Variants in IGF1R observed in about 807,000 individuals in gnomAD.
IGF1R encodes the protein insulin-like growth factor 1 receptor.
A neutral mutation model predicts 144.6 loss-of-function variants in IGF1R; 44 were observed. The ratio of observed to expected loss-of-function variants is 0.30; its 90% CI spans 0.24 to 0.39. The LOEUF is 0.39. Ranked by LOEUF, IGF1R falls within the 10% of genes least tolerant of loss-of-function variation. The probability of loss-of-function intolerance (pLI) is 1.00; values close to 1 mark genes in which losing one functional copy is unlikely to be tolerated. For synonymous variants in IGF1R, 795 were observed against 722.8 expected, an observed-to-expected ratio of 1.10 and a Z score of -1.60; for missense variants, 1,355 against 1,833.7, an observed-to-expected ratio of 0.74 and a Z score of 4.77.
chr15:98,945,584 C>T (rs532266517), intron 19 of IGF1R, among the ~76,000 whole-genome samples: 4 of 152,030 alleles, frequency 2.6e-5, no homozygotes, highest in East Asian at 1.9e-4. Context: ...AGTAAAATAC[C>T]GGCTTTGAAA....
Position 98,915,956 on chromosome 15 carries a change from C to G in IGF1R, c.1829-8C>G, listed in dbSNP as rs1324577066. 1 of 1,613,554 alleles carries G rather than the reference C, an allele frequency of 6.2e-7. No homozygotes were observed. Among genetic ancestry groups the G allele is most frequent in the Non-Finnish European group, 8.5e-7 (1 of 1,179,450 alleles). On this transcript the variant is annotated splice_polypyrimidine_tract_variant and splice_region_variant and intron_variant, in intron 8 of 20. Transcript: ENST00000650285. The stretch of plus-strand genomic sequence containing the variant: ...ATTTTCTAGAATGTTCTTTGTTCCC[C>G]TCTCCAGTTCCTTCCATTCCCTTGG...
chr15:98,919,221 C>G (rs966375648), intron 10 of IGF1R, among the ~76,000 whole-genome samples: 2 of 152,218 alleles, frequency 1.3e-5, no homozygotes, highest in Non-Finnish European at 2.9e-5. Context: ...CTCTTCTCCT[C>G]CATTGCGTTG....
intron 1 of IGF1R, among the ~76,000 whole-genome samples, chr15:98,669,527 G>A (rs2052833102): frequency 6.6e-6 from 1 of 152,176 alleles, no homozygotes; most frequent in African/African-American, 2.4e-5. Context: ...AATTCTTACT[G>A]CTTGATGGAC....
intron 4 of IGF1R, 102 bp from the exon 5 acceptor site, chr15:98,899,375 G>A (rs2014360524): frequency 2.5e-6 from 3 of 1,190,484 alleles, no homozygotes; most frequent in Non-Finnish European, 3.7e-6. Flanking sequence ...CATCTCAGGG[G>A]GCACCTGCCG....
At chr15:98,903,465 G>A (rs767816323) in intron 5 of IGF1R, among the ~76,000 whole-genome samples, 4 of 152,188 alleles carry the variant, frequency 2.6e-5, no homozygotes, top group Admixed American at 6.5e-5. Flanking sequence ...AAACATGGCC[G>A]CTTTTTCACA....
Position 98,934,939 on chromosome 15 carries a change from T to C in IGF1R, c.3072T>C (p.Asp1024=). 1 of 1,614,130 alleles carries C rather than the reference T, an allele frequency of 6.2e-7. No individual in the cohort carries two copies. The highest frequency in any genetic ancestry group is 8.5e-7 in the Non-Finnish European group (1 of 1,180,030). Residue 1024 remains aspartate (D), a synonymous_variant, in exon 16 of 21, where the codon GAT becomes GAC. Transcript: ENST00000650285. Reference sequence around the variant, plus strand: ...GAGTTGCCAAGGGTGTGGTGAAAGATGAACCTGAAACCAGAGTGGCCATTA... The same window carrying C: ...GAGTTGCCAAGGGTGTGGTGAAAGACGAACCTGAAACCAGAGTGGCCATTA... The part of the protein sequence containing the change: ...YEGVAKGVVK[D]EPETRVAIKT...
intron 13 of IGF1R, among the ~76,000 whole-genome samples, chr15:98,927,606 G>T (rs1304853689): frequency 1.3e-5 from 2 of 152,176 alleles, no homozygotes; most frequent in Non-Finnish European, 2.9e-5. Context: ...GGGCCTTGGG[G>T]GAAGAAAGAA....
chr15:98,819,316 T>A (rs901294668), intron 2 of IGF1R, among the ~76,000 whole-genome samples: 1 of 152,196 alleles, frequency 6.6e-6, no homozygotes, highest in African/African-American at 2.4e-5. Context: ...TGCCACTGTC[T>A]ACATGTTTAT....
chr15:98,924,071 T>C, intron 12 of IGF1R, 59 bp downstream of exon 12: 3 of 1,437,610 alleles, frequency 2.1e-6, no homozygotes, highest in South Asian at 1.1e-5. Flanking sequence ...CAGCATATGC[T>C]ACCTGACTGC....
intron 2 of IGF1R, among the ~76,000 whole-genome samples, chr15:98,795,360 A>G (rs1246732673): frequency 6.6e-6 from 1 of 152,208 alleles, no homozygotes; most frequent in Non-Finnish European, 1.5e-5. Context: ...ACTTAAAAAT[A>G]CACAAATGAT....
In IGF1R at chr15:98,704,680, A is replaced by G. The variant is rs1214808257; in HGVS notation, c.95-2882A>G. ...TTTAGGCACTGGTGATATAATTGTG[A>G]ACCAACTGGAGCTGCGGTGAGAGAG... On this transcript the variant is annotated intron_variant, in intron 1 of 20. Transcript: ENST00000650285. This position sits in a 1 kb window ranked among gnomAD's most constrained non-coding sequence, Gnocchi z 4.9. 6.6e-6 allele frequency among the ~76,000 whole-genome samples: 1 copy of G among 152,120 alleles called. No individual in the cohort carries two copies. Among genetic ancestry groups the G allele is most frequent in the Non-Finnish European group, 1.5e-5 (1 of 68,032 alleles).
intron 1 of IGF1R, among the ~76,000 whole-genome samples, chr15:98,673,118 C>A (rs991206468): frequency 6.6e-6 from 1 of 152,152 alleles, no homozygotes; most frequent in Non-Finnish European, 1.5e-5. Context: ...CCTCAACCTC[C>A]CAAGTAGTTG....
chr15:98,836,618 T>G (rs1357686032), intron 2 of IGF1R, among the ~76,000 whole-genome samples: 1 of 151,964 alleles, frequency 6.6e-6, no homozygotes, highest in Non-Finnish European at 1.5e-5. Context: ...AGCCAAGAAA[T>G]TAACAATGAC....
intron 2 of IGF1R, among the ~76,000 whole-genome samples, chr15:98,806,659 G>C (rs1028318926): frequency 3.3e-5 from 5 of 152,206 alleles, no homozygotes; most frequent in African/African-American, 1.2e-4. Flanking sequence ...GCCAGGGAGA[G>C]ATCCCTTTTT....
chr15:98,891,617 C>T lies in IGF1R; in HGVS notation c.933C>T (p.Phe311=). 6.2e-7 allele frequency: 1 copy of T among 1,601,570 alleles called. No homozygotes were observed. The highest frequency in any genetic ancestry group is 8.5e-7 in the Non-Finnish European group (1 of 1,179,938). Residue 311 remains phenylalanine (F), a synonymous_variant, in exon 3 of 21, where the codon TTC becomes TTT. Coordinates refer to ENST00000650285, the MANE Select transcript of IGF1R (RefSeq NM_000875.5). This position sits in a 1 kb window ranked among gnomAD's most constrained non-coding sequence, Gnocchi z 4.7. ...GCATGCAGGAGTGCCCCTCGGGCTT[C>T]ATCCGCAACGGCAGCCAGAGGTCAG... is the stretch of plus-strand genomic sequence containing the variant. ...GECMQECPSG[F]IRNGSQSMYC...
intron 5 of IGF1R, among the ~76,000 whole-genome samples, chr15:98,905,670 A>G (rs551124277): frequency 2.3e-3 from 307 of 133,036 alleles, no homozygotes; most frequent in Non-Finnish European, 3.4e-3. Flanking sequence ...TCTCAAGGGG[A>G]AAAAAAAAAA....
intron 2 of IGF1R, among the ~76,000 whole-genome samples, chr15:98,835,911 A>G (rs936480251): frequency 6.6e-6 from 1 of 152,192 alleles, no homozygotes; most frequent in Admixed American, 6.5e-5. Context: ...TTTGCTGTGG[A>G]AGGTGTTGGG....
intron 2 of IGF1R, among the ~76,000 whole-genome samples, chr15:98,845,348 A>C (rs2011269608): frequency 1.3e-5 from 2 of 149,504 alleles, no homozygotes; most frequent in South Asian, 4.3e-4. Flanking sequence ...TGTCTCTCCC[A>C]ACTTCCCTTC....
intron 1 of IGF1R, among the ~76,000 whole-genome samples, chr15:98,688,414 CTGTGTGTGTGTGTGTGTG>C (rs10528336): frequency 2.1e-5 from 3 of 143,492 alleles, no homozygotes; most frequent in Admixed American, 1.4e-4. Flanking sequence ...CAACACACAC[CTGTGTGTGTGTGTGTGTG>C]TGTGTGTGTG....
Sources: allele counts gnomAD v4.1 joint callset (sites outside exome capture counted in the v4.1 genomes callset), GRCh38; gene constraint gnomAD v4.1.1; non-coding constraint Gnocchi (gnomAD v3.1); transcripts MANE v1.5; gene names NCBI Gene and HGNC (gene_info 2026-07-23, HGNC 2026-07-21).